Variants in KCNB2 observed in about 807,000 individuals in gnomAD.
The protein encoded by KCNB2 is delayed rectifier potassium channel protein.
A neutral mutation model predicts 61.5 loss-of-function variants in KCNB2; 15 were observed. The ratio of observed to expected loss-of-function variants is 0.24; its 90% CI spans 0.16 to 0.38. KCNB2 has a LOEUF of 0.38. Among genes scored for constraint, KCNB2 ranks in the 10% least tolerant of loss-of-function variants. The probability of loss-of-function intolerance (pLI) is 1.00; values close to 1 mark genes in which losing one functional copy is unlikely to be tolerated. For synonymous variants in KCNB2, 457 were observed against 446.0 expected, an observed-to-expected ratio of 1.02 and a Z score of -0.31; for missense variants, 828 against 1,125.2, an observed-to-expected ratio of 0.74 and a Z score of 3.78.
chr8:72,851,490 T>C (rs59278973), intron 2 of KCNB2, among the ~76,000 whole-genome samples: 44,160 of 152,006 alleles, frequency 0.29, 6,541 homozygotes, highest in South Asian at 0.41. Context: ...TCTAAAGAAT[T>C]GGACATGGGT....
intron 2 of KCNB2, among the ~76,000 whole-genome samples, chr8:72,717,859 C>T (rs1807472859): frequency 6.6e-6 from 1 of 152,106 alleles, no homozygotes; most frequent in African/African-American, 2.4e-5. Context: ...AAGAAACTAC[C>T]ATCAGAGTGA....
intron 2 of KCNB2, among the ~76,000 whole-genome samples, chr8:72,667,971 T>A (rs1180132978): frequency 6.6e-6 from 1 of 152,248 alleles, no homozygotes; most frequent in African/African-American, 2.4e-5. Context: ...CTCTCAGGCT[T>A]AGTGATTCAC....
intron 2 of KCNB2, among the ~76,000 whole-genome samples, chr8:72,910,626 A>G (rs1319123555): frequency 1.3e-5 from 2 of 152,214 alleles, no homozygotes; most frequent in Non-Finnish European, 2.9e-5. Context: ...GAGTCAATAA[A>G]GGTAAGGACT....
intron 2 of KCNB2, among the ~76,000 whole-genome samples, chr8:72,887,698 C>G (rs1170891993): frequency 6.6e-6 from 1 of 152,232 alleles, no homozygotes; most frequent in African/African-American, 2.4e-5. Context: ...CTTTATTTCT[C>G]TGACCTAACT....
chr8:72,859,874 T>C (rs1209472201), intron 2 of KCNB2, among the ~76,000 whole-genome samples: 1 of 151,776 alleles, frequency 6.6e-6, no homozygotes, highest in East Asian at 1.9e-4. Context: ...CATGTGCCAC[T>C]ATGCCTGGCT....
chr8:72,731,559 G>A (rs929174833), intron 2 of KCNB2, among the ~76,000 whole-genome samples: 1 of 152,206 alleles, frequency 6.6e-6, no homozygotes, highest in African/African-American at 2.4e-5. Flanking sequence ...TTTGGGCAAG[G>A]CCACTTCCTC....
rs149292138 is a variant in KCNB2 at position 72,711,343 on chromosome 8, C to T, written c.579+143030C>T. ...GCCAGAAGTATCTGTGAGCAGCACT[C>T]GTGACTCCCATGCCATGCCTGCATG... is the stretch of plus-strand genomic sequence containing the variant. On this transcript the variant is annotated intron_variant, in intron 2 of 2. Coordinates refer to ENST00000523207, the MANE Select transcript of KCNB2 (RefSeq NM_004770.3). Among the ~76,000 whole-genome samples the T allele has an allele frequency of 1.4e-4, 22 of 152,312 alleles. No individual in the cohort carries two copies. The East Asian group carries it at 4.1e-3, about 28-fold the overall frequency.
intron 2 of KCNB2, among the ~76,000 whole-genome samples, chr8:72,819,477 G>A (rs1809456188): frequency 6.6e-6 from 1 of 152,116 alleles, no homozygotes; most frequent in African/African-American, 2.4e-5. Context: ...GTTGTAGCAA[G>A]TTGAATAATC....
At chr8:72,742,840 C>T (rs188066429) in intron 2 of KCNB2, among the ~76,000 whole-genome samples, 13 of 152,150 alleles carry the variant, frequency 8.5e-5, no homozygotes, top group East Asian at 1.9e-4. Flanking sequence ...TGACGTCTGA[C>T]GATAAATTCT....
intron 2 of KCNB2, among the ~76,000 whole-genome samples, chr8:72,838,254 T>A (rs905886860): frequency 1.3e-4 from 20 of 152,306 alleles, no homozygotes; most frequent in African/African-American, 4.6e-4. Context: ...CCTAATGCTA[T>A]CCTTCCCCCA....
chr8:72,571,413 A>G (rs1377656373), intron 2 of KCNB2, among the ~76,000 whole-genome samples: 1 of 152,246 alleles, frequency 6.6e-6, no homozygotes, highest in Non-Finnish European at 1.5e-5. Flanking sequence ...ACAGCATTTA[A>G]CAATGTGGTA....
intron 1 of KCNB2, among the ~76,000 whole-genome samples, chr8:72,561,587 G>A (rs1806513059): frequency 6.7e-6 from 1 of 148,678 alleles, no homozygotes; most frequent in African/African-American, 2.5e-5. Context: ...AAAATAATAA[G>A]CAGTATGAAA....
chr8:72,638,264 A>G (rs896670611), intron 2 of KCNB2, among the ~76,000 whole-genome samples: 2 of 151,864 alleles, frequency 1.3e-5, no homozygotes, highest in Non-Finnish European at 2.9e-5. Context: ...GTTTATTTTT[A>G]TCTTTCACAT....
chr8:72,717,113 A>C (rs1251743455), intron 2 of KCNB2, among the ~76,000 whole-genome samples: 1 of 152,192 alleles, frequency 6.6e-6, no homozygotes, highest in East Asian at 1.9e-4. Context: ...AAGGGATGTG[A>C]AGGACCTCTT....
At chr8:72,546,850 T>G (rs1806267314) in intron 1 of KCNB2, among the ~76,000 whole-genome samples, 1 of 152,208 alleles carries the variant, frequency 6.6e-6, no homozygotes, top group Non-Finnish European at 1.5e-5. Context: ...CTCACTGTGT[T>G]ACCCACAACA....
At chr8:72,643,925 C>G (rs540977169) in intron 2 of KCNB2, among the ~76,000 whole-genome samples, 1 of 152,152 alleles carries the variant, frequency 6.6e-6, no homozygotes, top group East Asian at 1.9e-4. Context: ...TAGAATGTTC[C>G]CAGCAGTTTG....
chr8:72,855,290 A>G (rs960880789), intron 2 of KCNB2, among the ~76,000 whole-genome samples: 9 of 152,220 alleles, frequency 5.9e-5, no homozygotes, highest in Admixed American at 2.0e-4. Context: ...GAGATCTTCA[A>G]GACTGCACTC....
chr8:72,658,520 C>T (rs1806328238), intron 2 of KCNB2, among the ~76,000 whole-genome samples: 1 of 152,164 alleles, frequency 6.6e-6, no homozygotes, highest in African/African-American at 2.4e-5. Context: ...GCAAGTTTTC[C>T]AGAAGATCTA....
At chr8:72,871,271 A>G (rs939887189) in intron 2 of KCNB2, among the ~76,000 whole-genome samples, 5 of 152,242 alleles carry the variant, frequency 3.3e-5, no homozygotes, top group African/African-American at 1.2e-4. Context: ...AGGGAAGTAT[A>G]TAGTGTCTGG....
Sources: gnomAD v4.1 joint callset for allele counts (sites outside exome capture counted in the v4.1 genomes callset) on GRCh38, gnomAD v4.1.1 for gene constraint, MANE v1.5 for transcripts, NCBI Gene and HGNC (gene_info 2026-07-23, HGNC 2026-07-21) for gene names.